TANC2: variants seen among roughly 807,000 people sequenced by gnomAD.
TANC2 encodes the protein tetratricopeptide repeat, ankyrin repeat and coiled-coil containing 2, also known as protein TANC2.
TANC2 carries 26 observed loss-of-function variants against 210.5 expected under a neutral mutation model. The ratio of observed to expected loss-of-function variants is 0.12; its 90% CI spans 0.09 to 0.17. TANC2 has a LOEUF of 0.17. Ranked by LOEUF, TANC2 falls within the 10% of genes least tolerant of loss-of-function variation. The pLI is 1.00. For missense variants in TANC2, 2,129 were observed against 2,608.9 expected (o/e 0.82, Z 4.01); for synonymous variants, 931 against 967.1 (o/e 0.96, Z 0.69).
chr17:63,148,490 T>A (rs2039537163), intron 4 of TANC2: 1 of 152,178 alleles, frequency 6.6e-6, no homozygotes, highest in South Asian at 2.1e-4. Context: ...TTCAGATCAC[T>A]CTACTTAACC....
chr17:63,053,338 C>CATTT (rs2035650958), intron 2 of TANC2, among the ~76,000 whole-genome samples: 1 of 152,248 alleles, frequency 6.6e-6, no homozygotes, highest in African/African-American at 2.4e-5. Context: ...CATGCTAAAC[C>CATTT]ATTTACACTG....
chr17:63,284,045 A>T (rs2044145471), intron 9 of TANC2, among the ~76,000 whole-genome samples: 1 of 151,936 alleles, frequency 6.6e-6, no homozygotes, highest in South Asian at 2.1e-4. Context: ...TCTTGGTCTT[A>T]GGTGGAAAGC....
At chr17:63,001,500 C>T (rs1167585679) in intron 1 of TANC2, among the ~76,000 whole-genome samples, 2 of 151,282 alleles carry the variant, frequency 1.3e-5, no homozygotes, top group African/African-American at 2.4e-5. Context: ...TTAATAAGAC[C>T]AGGTTTCCTT....
intron 4 of TANC2, among the ~76,000 whole-genome samples, chr17:63,128,708 A>G (rs940020060): frequency 1.3e-5 from 2 of 152,224 alleles, no homozygotes; most frequent in African/African-American, 4.8e-5. Context: ...GGACTTCTGT[A>G]TATATTACCT....
chr17:63,060,312 A>G (rs577273477), intron 2 of TANC2, among the ~76,000 whole-genome samples: 29 of 152,364 alleles, frequency 1.9e-4, no homozygotes, highest in East Asian at 1.3e-3. Flanking sequence ...ACATACTACA[A>G]TCTCTCTCTT....
chr17:63,031,696 G>T (rs1285856522), intron 2 of TANC2, among the ~76,000 whole-genome samples: 1 of 152,126 alleles, frequency 6.6e-6, no homozygotes, highest in Non-Finnish European at 1.5e-5. Flanking sequence ...AGCACTTAAT[G>T]TGGACCAAGT....
intron 21 of TANC2, among the ~76,000 whole-genome samples, chr17:63,407,741 C>T (rs2048559254): frequency 6.6e-6 from 1 of 152,086 alleles, no homozygotes; most frequent in African/African-American, 2.4e-5. Context: ...AAGATAAATG[C>T]CTTAAAAAGC....
intron 5 of TANC2, among the ~76,000 whole-genome samples, chr17:63,169,643 G>A (rs1473693699): frequency 2.0e-5 from 3 of 151,880 alleles, no homozygotes; most frequent in Admixed American, 6.6e-5. Context: ...GTGAAACCCC[G>A]TCTCTACTAA....
At chr17:63,328,584 T>G (rs1404631609) in intron 11 of TANC2, among the ~76,000 whole-genome samples, 1 of 151,652 alleles carries the variant, frequency 6.6e-6, no homozygotes, top group Admixed American at 6.6e-5. Context: ...CTAAAAAAGT[T>G]AAACTCATAG....
At chr17:63,237,821 A>G in exon 8 of TANC2, 5 of 1,544,074 alleles carry the variant, frequency 3.2e-6, no homozygotes, top group Non-Finnish European at 4.4e-6. Context: ...CAGCTACATT[A>G]ACAAGCTATT....
At chr17:63,083,873 C>T (rs2036865523) in intron 3 of TANC2, among the ~76,000 whole-genome samples, 1 of 152,114 alleles carries the variant, frequency 6.6e-6, no homozygotes, top group African/African-American at 2.4e-5. Context: ...TCCTTTTATA[C>T]ATTTTTGGAT....
intron 5 of TANC2, among the ~76,000 whole-genome samples, chr17:63,160,123 C>T (rs921237402): frequency 6.6e-6 from 1 of 152,236 alleles, no homozygotes; most frequent in South Asian, 2.1e-4. Context: ...ATCAGGGCTG[C>T]ACACTTATAA....
In TANC2 at chr17:63,094,396, A is replaced by G. The variant is rs555503968; in HGVS notation, c.140-4779A>G. Among the ~76,000 whole-genome samples, 19 of 152,278 alleles carry G rather than the reference A, an allele frequency of 1.2e-4. 1 individual carries two copies. In the South Asian group the frequency reaches 3.9e-3, roughly 32 times the overall value. On this transcript the variant is annotated intron_variant, in intron 3 of 27. Coordinates refer to ENST00000689528, the Ensembl canonical transcript of TANC2. ...CAAAATCGCTTTGTCTTTAGGGGCC[A>G]GTTTATCACCATGCTATATATTTTT... is the stretch of plus-strand genomic sequence containing the variant.
At chr17:63,015,625 G>C (rs912909414) in intron 2 of TANC2, among the ~76,000 whole-genome samples, 14 of 151,910 alleles carry the variant, frequency 9.2e-5, no homozygotes, top group African/African-American at 3.1e-4. Context: ...TTATCTGGCA[G>C]AGTTTTCCCC....
chr17:63,333,390 A>G (rs1327573263), intron 11 of TANC2, among the ~76,000 whole-genome samples: 1 of 152,194 alleles, frequency 6.6e-6, no homozygotes, highest in Non-Finnish European at 1.5e-5. Context: ...GTAACTGCAG[A>G]TATGGCAGAA....
intron 7 of TANC2, among the ~76,000 whole-genome samples, chr17:63,210,633 T>C (rs1033727309): frequency 6.6e-6 from 1 of 152,180 alleles, no homozygotes; most frequent in African/African-American, 2.4e-5. Flanking sequence ...ACTAAACATT[T>C]TGAGTAAATA....
intron 4 of TANC2, among the ~76,000 whole-genome samples, chr17:63,112,109 A>G (rs2038073367): frequency 6.6e-6 from 1 of 152,148 alleles, no homozygotes; most frequent in Admixed American, 6.5e-5. Flanking sequence ...TTTTCTCTAC[A>G]TTTTTAAAGA....
intron 7 of TANC2, among the ~76,000 whole-genome samples, chr17:63,221,577 C>T (rs2042193933): frequency 6.6e-6 from 1 of 151,912 alleles, no homozygotes; most frequent in Admixed American, 6.6e-5. Flanking sequence ...TAAAGGCATA[C>T]AACTTGAATT....
At position 63,316,924 on chromosome 17, in the gene TANC2, G is replaced by C. The variant is rs1304886700; in HGVS notation, c.1442-2033G>C. Among the ~76,000 whole-genome samples the C allele has an allele frequency of 2.0e-5, 3 of 151,482 alleles. No homozygotes were observed. The East Asian group carries it at 5.8e-4, about 29-fold the overall frequency. On this transcript the variant is annotated intron_variant, in intron 10 of 27. Coordinates refer to ENST00000689528, the Ensembl canonical transcript of TANC2. ...AATGATGTCTGTATATGGAGGGTTG[G>C]CTTAATTTTTTACAGAATATAAGTT... is the stretch of plus-strand genomic sequence containing the variant.
Sources: allele counts gnomAD v4.1 joint callset (sites outside exome capture counted in the v4.1 genomes callset), GRCh38; gene constraint gnomAD v4.1.1; transcripts MANE v1.5; gene names NCBI Gene and HGNC (gene_info 2026-07-23, HGNC 2026-07-21).